Variants in ALCAM observed in about 807,000 individuals in gnomAD.
ALCAM encodes activated leukocyte cell adhesion molecule, also known as CD166 antigen.
Under a neutral mutation model 70.9 loss-of-function variants are expected in ALCAM, and 30 were observed. The observed-to-expected ratio is 0.42, with a 90% CI of 0.32 to 0.57. The LOEUF (loss-of-function observed/expected upper bound fraction) is 0.57, where lower values mean the gene tolerates loss of function less well. Ranked by LOEUF, ALCAM falls within the 20% of genes least tolerant of loss-of-function variation. ALCAM has a pLI of 0.11. For missense variants in ALCAM, 591 were observed against 695.1 expected (o/e 0.85, Z 1.68); for synonymous variants, 249 against 242.5 (o/e 1.03, Z -0.25).
At position 105,399,825 on chromosome 3, in the gene ALCAM, C is replaced by G. The variant is rs980189954; in HGVS notation, c.73+32344C>G. On this transcript the variant is annotated intron_variant, in intron 1 of 15. Coordinates refer to ENST00000306107, the MANE Select transcript of ALCAM (RefSeq NM_001627.4). Reference sequence around the variant, plus strand: ...CCACTCTGTTTGGAAAACTTTGGCTCTTTTTCAGCAGTCACCATTGGCCTT... The same window carrying G: ...CCACTCTGTTTGGAAAACTTTGGCTGTTTTTCAGCAGTCACCATTGGCCTT... 3.9e-5 allele frequency among the ~76,000 whole-genome samples: 6 copies of G among 152,104 alleles called. No homozygotes were observed. In the South Asian group the frequency reaches 6.2e-4, roughly 16 times the overall value.
chr3:105,552,414 C>T, intron 13 of ALCAM, 54 bp from the exon 14 acceptor site: 1 of 1,548,236 alleles, frequency 6.5e-7, no homozygotes, highest in African/African-American at 1.4e-5. Flanking sequence ...GATTGACTTT[C>T]TGAAAATCCT....
chr3:105,449,808 A>C (rs1018633463), intron 1 of ALCAM, among the ~76,000 whole-genome samples: 2 of 152,168 alleles, frequency 1.3e-5, no homozygotes, highest in African/African-American at 2.4e-5. Flanking sequence ...ATGAGTTGAA[A>C]CTAATGAGAA....
At chr3:105,555,557 G>A (rs996614574) in intron 14 of ALCAM, among the ~76,000 whole-genome samples, 1 of 151,992 alleles carries the variant, frequency 6.6e-6, no homozygotes, top group African/African-American at 2.4e-5. Flanking sequence ...AGCTAGCAAA[G>A]CAGTGAAATT....
intron 1 of ALCAM, among the ~76,000 whole-genome samples, chr3:105,507,289 T>C (rs542701192): frequency 6.6e-6 from 1 of 152,140 alleles, no homozygotes; most frequent in Admixed American, 6.5e-5. Context: ...TTGACTATAG[T>C]CCCTAGCTTA....
At chr3:105,477,899 C>T (rs943678005) in intron 1 of ALCAM, among the ~76,000 whole-genome samples, 2 of 151,992 alleles carry the variant, frequency 1.3e-5, no homozygotes, top group South Asian at 4.2e-4. Flanking sequence ...TCATAGACTT[C>T]CATTTGTTTC....
At chr3:105,400,665 C>T (rs1936065031) in intron 1 of ALCAM, among the ~76,000 whole-genome samples, 1 of 152,076 alleles carries the variant, frequency 6.6e-6, no homozygotes, top group African/African-American at 2.4e-5. Context: ...TGAAGAAATA[C>T]TAAACACTCA....
intron 1 of ALCAM, among the ~76,000 whole-genome samples, chr3:105,479,215 G>T (rs191806343): frequency 2.5e-3 from 376 of 152,196 alleles, no homozygotes; most frequent in Admixed American, 5.2e-3. Flanking sequence ...TGTAGTTTGT[G>T]TGTATGCAAT....
At chr3:105,406,850 C>T (rs1202150168) in intron 1 of ALCAM, among the ~76,000 whole-genome samples, 1 of 151,802 alleles carries the variant, frequency 6.6e-6, no homozygotes, top group African/African-American at 2.4e-5. Flanking sequence ...CAAATAAGCT[C>T]AATTACAAAT....
chr3:105,394,815 C>G (rs1935909102), intron 1 of ALCAM, among the ~76,000 whole-genome samples: 1 of 151,866 alleles, frequency 6.6e-6, no homozygotes, highest in Non-Finnish European at 1.5e-5. Context: ...CATGGCAAAC[C>G]AATGACTATA....
chr3:105,432,124 C>A (rs1406181831), intron 1 of ALCAM, among the ~76,000 whole-genome samples: 1 of 152,098 alleles, frequency 6.6e-6, no homozygotes, highest in Non-Finnish European at 1.5e-5. Flanking sequence ...AGCATAAACT[C>A]TTACTTATAA....
intron 14 of ALCAM, among the ~76,000 whole-genome samples, chr3:105,563,667 C>CTGTTTTTTTT: frequency 1.9e-5 from 1 of 52,034 alleles, no homozygotes; most frequent in Non-Finnish European, 3.0e-5. Flanking sequence ...CCAAGCATTT[C>CTGTTTTTTTT]TTTTTTTTTT....
chr3:105,497,131 C>T (rs1305139771), intron 1 of ALCAM, among the ~76,000 whole-genome samples: 1 of 151,940 alleles, frequency 6.6e-6, no homozygotes, highest in Non-Finnish European at 1.5e-5. Context: ...CCCCCAAAAC[C>T]GTAAGAATGT....
intron 1 of ALCAM, among the ~76,000 whole-genome samples, chr3:105,476,663 A>G (rs868774409): frequency 3.3e-5 from 5 of 152,254 alleles, no homozygotes; most frequent in Middle Eastern, 6.8e-3. Flanking sequence ...TTGAGCAAAA[A>G]TATGCCATCT....
At position 105,367,468 on chromosome 3, in the gene ALCAM, C is replaced by G; in HGVS notation, c.60C>G (p.Thr20=). 1 of 1,614,054 alleles carries G rather than the reference C, an allele frequency of 6.2e-7. No homozygotes were observed. The highest frequency in any genetic ancestry group is 8.5e-7 in the Non-Finnish European group (1 of 1,179,926). The change falls in exon 1 of 16, where the codon ACC becomes ACG. Residue 20 remains threonine (T), a synonymous_variant. Transcript: ENST00000306107. ...TCTTCTGCCTCTTGATCTCCGCCAC[C>G]GTCTTCAGGCCAGGTGAGCAAGGGC... The part of the protein sequence containing the change: ...RLLFCLLISA[T]VFRPGLGWYT...
chr3:105,533,757 G>A lies in ALCAM; in HGVS notation c.547+67G>A, dbSNP rs1427976440. ...CCTGTTCTGACTTTCTTTGTTCTAGGTATTCTTTAAACCAGTGGTCTCCAA... is the reference window on the plus strand; with the variant it reads ...CCTGTTCTGACTTTCTTTGTTCTAGATATTCTTTAAACCAGTGGTCTCCAA... On this transcript the variant is annotated intron_variant, in intron 5 of 15. Coordinates refer to ENST00000306107, the MANE Select transcript of ALCAM (RefSeq NM_001627.4). The A allele has an allele frequency of 3.4e-6, 5 of 1,484,614 alleles. No individual in the cohort carries two copies. The East Asian group carries it at 6.9e-5, about 21-fold the overall frequency. 92.0% of individuals were successfully genotyped at this position (1,484,614 alleles called of 1,614,324 possible). A position where few individuals can be genotyped will look rare whatever the true frequency, so the allele number is the denominator to read the frequency against.
intron 1 of ALCAM, among the ~76,000 whole-genome samples, chr3:105,489,871 G>A (rs1049765792): frequency 1.3e-5 from 2 of 152,122 alleles, no homozygotes; most frequent in Non-Finnish European, 2.9e-5. Context: ...AATTGATCTG[G>A]ATATTCTTTG....
At chr3:105,560,216 T>C (rs946202933) in intron 14 of ALCAM, among the ~76,000 whole-genome samples, 1 of 152,198 alleles carries the variant, frequency 6.6e-6, no homozygotes, top group African/African-American at 2.4e-5. Context: ...GGTGTTATTC[T>C]GTTGAATTTT....
intron 14 of ALCAM, among the ~76,000 whole-genome samples, chr3:105,568,043 T>C (rs1382474539): frequency 3.5e-5 from 5 of 143,140 alleles, no homozygotes; most frequent in African/African-American, 1.3e-4. Context: ...TTTATTTTTT[T>C]TATTATTTTA....
At chr3:105,368,929 C>CGGATTTAAA in intron 1 of ALCAM, among the ~76,000 whole-genome samples, 1 of 152,148 alleles carries the variant, frequency 6.6e-6, no homozygotes, top group South Asian at 2.1e-4. Context: ...ATAGTTCAAC[C>CGGATTTAAA]GGATTTAAAG....
Sources: allele counts gnomAD v4.1 joint callset (sites outside exome capture counted in the v4.1 genomes callset), GRCh38; gene constraint gnomAD v4.1.1; transcripts MANE v1.5; gene names NCBI Gene and HGNC (gene_info 2026-07-23, HGNC 2026-07-21).